Variants in IL1RAP observed in about 807,000 individuals in gnomAD.
The protein encoded by IL1RAP is interleukin-1 receptor accessory protein.
IL1RAP carries 35 observed loss-of-function variants against 60.7 expected under a neutral mutation model. The observed-to-expected ratio is 0.58, with a 90% CI of 0.44 to 0.76. The LOEUF is 0.76. IL1RAP is among the 30% of genes least tolerant of loss of function. The probability of loss-of-function intolerance (pLI) is 0.00; values close to 1 mark genes in which losing one functional copy is unlikely to be tolerated. For synonymous variants in IL1RAP, 268 were observed against 250.9 expected (o/e 1.07, Z -0.64); for missense variants, 572 against 693.9 (o/e 0.82, Z 1.97).
exon 12 of IL1RAP, chr3:190,658,052 C>CT (rs1734672864): frequency 7.1e-6 from 1 of 140,828 alleles, no homozygotes; most frequent in Admixed American, 7.0e-5. Flanking sequence ...AAGACTCCAT[C>CT]TTAAAAAAAA....
At chr3:190,581,689 C>T (rs1371679841) in intron 3 of IL1RAP, among the ~76,000 whole-genome samples, 1 of 152,192 alleles carries the variant, frequency 6.6e-6, no homozygotes, top group Non-Finnish European at 1.5e-5. Context: ...GACTCTAAAT[C>T]AGTTGAAACT....
chr3:190,634,432 G>GCACC (rs1416185488), intron 9 of IL1RAP, among the ~76,000 whole-genome samples: 1 of 151,348 alleles, frequency 6.6e-6, no homozygotes, highest in East Asian at 1.9e-4. Context: ...GGGATTAGAG[G>GCACC]CACCCGCCAC....
At chr3:190,569,697 C>T (rs944583756) in intron 3 of IL1RAP, among the ~76,000 whole-genome samples, 1 of 151,906 alleles carries the variant, frequency 6.6e-6, no homozygotes, top group Non-Finnish European at 1.5e-5. Flanking sequence ...ATTTAAGTAC[C>T]ACATAATTGG....
intron 2 of IL1RAP, among the ~76,000 whole-genome samples, chr3:190,556,671 C>T (rs1182171868): frequency 1.3e-5 from 2 of 152,174 alleles, no homozygotes; most frequent in Non-Finnish European, 2.9e-5. Context: ...GAGCACTAAA[C>T]TTGGACCTAG....
At chr3:190,622,561 C>A (rs1482598524) in intron 6 of IL1RAP, among the ~76,000 whole-genome samples, 1 of 152,204 alleles carries the variant, frequency 6.6e-6, no homozygotes, top group Non-Finnish European at 1.5e-5. Context: ...ATTCCTACTA[C>A]TTCTTCCTCA....
intron 5 of IL1RAP, among the ~76,000 whole-genome samples, chr3:190,619,678 T>A (rs890691335): frequency 6.7e-6 from 1 of 149,622 alleles, no homozygotes. Context: ...TGAGCTGAGA[T>A]CACGCCACTG....
In IL1RAP at chr3:190,645,713, G is replaced by T; in HGVS notation, c.1216G>T (p.Asp406Tyr). The change falls in exon 11 of 12, where the codon GAT (aspartate) becomes TAT (tyrosine). Residue 406 changes from aspartate (D) to tyrosine (Y), a missense_variant. Asp to Tyr is a radical substitution (Grantham distance 160). Transcript: ENST00000447382. ...DETILDGKEY[D>Y]IYVSYARNAE... ...CCTTTTGCTAGATGGAAAAGAGTAT[G>T]ATATTTATGTATCCTATGCAAGGAA... 1 of 1,611,520 alleles carries T rather than the reference G, an allele frequency of 6.2e-7. No homozygotes were observed. The highest frequency in any genetic ancestry group is 8.5e-7 in the Non-Finnish European group (1 of 1,178,012).
chr3:190,629,590 C>T, intron 9 of IL1RAP, 92 bp downstream of exon 9: 2 of 1,487,016 alleles, frequency 1.3e-6, no homozygotes, highest in Non-Finnish European at 1.8e-6. Flanking sequence ...AAGAGAGCTC[C>T]AGCACCTAGC....
At chr3:190,654,246 C>G (rs1734531928), downstream of IL1RAP, among the ~76,000 whole-genome samples, 1 of 142,672 alleles carries the variant, frequency 7.0e-6, no homozygotes, top group Non-Finnish European at 1.5e-5. Context: ...CATGAGTTCT[C>G]TTTGTTGACA....
chr3:190,596,361 T>G (rs1729379103), intron 3 of IL1RAP, among the ~76,000 whole-genome samples: 1 of 152,230 alleles, frequency 6.6e-6, no homozygotes, highest in South Asian at 2.1e-4. Flanking sequence ...AGCTTTTTTT[T>G]TTTGTGCTAC....
chr3:190,585,831 A>T lies in IL1RAP; in HGVS notation c.65-18297A>T, dbSNP rs190328212. Among the ~76,000 whole-genome samples the T allele has an allele frequency of 1.5e-3, 232 of 152,038 alleles. 2 individuals are homozygous for T. Among genetic ancestry groups the T allele is most frequent in the African/African-American group, 5.2e-3 (214 of 41,450 alleles). On this transcript the variant is annotated intron_variant, in intron 3 of 11. Coordinates refer to ENST00000447382, the MANE Select transcript of IL1RAP (RefSeq NM_002182.4). ...CAACTCCAAAAAAAAAGAAAAAAAGAAAAAAAAGTCACTTTATTCATTAAG... is the reference window on the plus strand; with the variant it reads ...CAACTCCAAAAAAAAAGAAAAAAAGTAAAAAAAGTCACTTTATTCATTAAG...
intron 1 of IL1RAP, among the ~76,000 whole-genome samples, chr3:190,541,145 A>C (rs1723902451): frequency 6.6e-6 from 1 of 152,068 alleles, no homozygotes; most frequent in East Asian, 1.9e-4. Flanking sequence ...CTATCTACCA[A>C]AGTTAGGGCC....
At chr3:190,562,859 A>G (rs1726031465) in intron 2 of IL1RAP, among the ~76,000 whole-genome samples, 1 of 152,176 alleles carries the variant, frequency 6.6e-6, no homozygotes, top group Admixed American at 6.5e-5. Flanking sequence ...CCCCAAGGTC[A>G]TAATATAAGA....
chr3:190,534,373 C>A (rs1005948824), intron 1 of IL1RAP, among the ~76,000 whole-genome samples: 2 of 151,904 alleles, frequency 1.3e-5, no homozygotes, highest in African/African-American at 4.8e-5. Flanking sequence ...TGTAGAAAAG[C>A]TTCAGAAACT....
chr3:190,554,455 T>C (rs960159252), intron 1 of IL1RAP, among the ~76,000 whole-genome samples: 3 of 152,156 alleles, frequency 2.0e-5, no homozygotes, highest in Non-Finnish European at 2.9e-5. Flanking sequence ...GAGGTTCTCC[T>C]GGGGACCCTT....
intron 6 of IL1RAP, among the ~76,000 whole-genome samples, chr3:190,622,278 A>G (rs539870461): frequency 6.6e-6 from 1 of 152,054 alleles, no homozygotes; most frequent in East Asian, 1.9e-4. Context: ...TTTTCTTTGT[A>G]AAGCAAAAAC....
rs77317849 is a variant in IL1RAP, at chr3:190,643,842, G to A, written c.1052-406G>A. ...CAACAATTAAAATTCTACCAATACCGTGGACTTCTTCAGGTAGCAATGAGA... is the reference window on the plus strand; with the variant it reads ...CAACAATTAAAATTCTACCAATACCATGGACTTCTTCAGGTAGCAATGAGA... On this transcript the variant is annotated intron_variant, in intron 9 of 11. Coordinates refer to ENST00000447382, the MANE Select transcript of IL1RAP (RefSeq NM_002182.4). Among the ~76,000 whole-genome samples, 1,256 of 152,190 alleles carry A rather than the reference G, an allele frequency of 8.3e-3. 20 individuals carry two copies. The highest frequency in any genetic ancestry group is 0.029 in the African/African-American group (1,193 of 41,510).
At chr3:190,561,712 A>G (rs776993443) in intron 2 of IL1RAP, among the ~76,000 whole-genome samples, 29 of 152,146 alleles carry the variant, frequency 1.9e-4, no homozygotes, top group Admixed American at 1.6e-3. Flanking sequence ...ATGCAGTGAA[A>G]TCTCTAGTTG....
At chr3:190,576,497 T>G (rs1212949060) in intron 3 of IL1RAP, among the ~76,000 whole-genome samples, 1 of 152,146 alleles carries the variant, frequency 6.6e-6, no homozygotes, top group Non-Finnish European at 1.5e-5. Flanking sequence ...GAAGCTCAAG[T>G]TAACGAGTGA....
Sources: allele counts gnomAD v4.1 joint callset (sites outside exome capture counted in the v4.1 genomes callset), GRCh38; gene constraint gnomAD v4.1.1; transcripts MANE v1.5; gene names NCBI Gene and HGNC (gene_info 2026-07-23, HGNC 2026-07-21).